Variants in DIP2A observed in about 807,000 individuals in gnomAD.
DIP2A encodes the protein DIP2 acetate--CoA ligase A.
In DIP2A, 85 loss-of-function variants were observed where a neutral mutation model predicts 177.4. That is an observed-to-expected ratio of 0.48 (90% CI 0.40 to 0.57). The LOEUF (loss-of-function observed/expected upper bound fraction) is 0.57. Among genes scored for constraint, DIP2A ranks in the 20% least tolerant of loss-of-function variants. The pLI is 0.00. For missense variants in DIP2A, 1,791 were observed against 2,100.2 expected (o/e 0.85, Z 2.88); for synonymous variants, 886 against 881.8 (o/e 1.00, Z -0.08).
At chr21:46,533,964 C>T (rs2059454430) in intron 11 of DIP2A, 40 bp from the exon 12 acceptor site, 1 of 1,560,906 alleles carries the variant, frequency 6.4e-7, no homozygotes, top group South Asian at 1.1e-5. Flanking sequence ...GCAGATGCCT[C>T]TGACTGCTTG....
chr21:46,566,255 G>A (rs376402726), intron 36 of DIP2A, among the ~76,000 whole-genome samples: 2 of 152,204 alleles, frequency 1.3e-5, no homozygotes, highest in African/African-American at 2.4e-5. Context: ...GCCACCACAA[G>A]CTGGCCAGAT....
intron 2 of DIP2A, among the ~76,000 whole-genome samples, chr21:46,486,489 T>G (rs998857759): frequency 6.6e-6 from 1 of 152,220 alleles, no homozygotes; most frequent in African/African-American, 2.4e-5. Flanking sequence ...CCACCACACC[T>G]TCCCTTAATT....
At position 46,537,186 on chromosome 21, in the gene DIP2A, G is replaced by C; in HGVS notation, c.1643-38G>C. ...GAAAATGCATAGGGCTTATTGAGAG[G>C]GTTGCTCAGTGGTGTCACCTTCTTT... On this transcript the variant is annotated intron_variant, in intron 13 of 37. Coordinates refer to ENST00000417564, the MANE Select transcript of DIP2A (RefSeq NM_015151.4). The surrounding 1 kb of genome is among the most constrained non-coding windows in gnomAD (Gnocchi z 4.1). 6.2e-7 allele frequency: 1 copy of C among 1,610,532 alleles called. No individual in the cohort carries two copies. Among genetic ancestry groups the C allele is most frequent in the Non-Finnish European group, 8.5e-7 (1 of 1,176,788 alleles).
intron 3 of DIP2A, among the ~76,000 whole-genome samples, chr21:46,494,699 T>A (rs1200333867): frequency 6.6e-6 from 1 of 152,258 alleles, no homozygotes; most frequent in Non-Finnish European, 1.5e-5. Flanking sequence ...ACCAATTGAT[T>A]GCGTTTCCTC....
chr21:46,503,835 C>T (rs1460326447), intron 5 of DIP2A, among the ~76,000 whole-genome samples: 2 of 152,120 alleles, frequency 1.3e-5, no homozygotes, highest in Non-Finnish European at 1.5e-5. Flanking sequence ...AAGTGATTCT[C>T]CTGCCTCAGC....
intron 1 of DIP2A, chr21:46,469,254 C>A (rs1293740402): frequency 6.6e-6 from 1 of 152,240 alleles, no homozygotes; most frequent in Non-Finnish European, 1.5e-5. Context: ...GTGAAAACTT[C>A]ACATGGTGTT....
At chr21:46,552,198 C>T (rs754686668) in intron 25 of DIP2A, among the ~76,000 whole-genome samples, 8 of 152,194 alleles carry the variant, frequency 5.3e-5, no homozygotes, top group Non-Finnish European at 8.8e-5. Context: ...TTTTTATCAG[C>T]TCAAGTTTTT....
At chr21:46,578,155 T>C in the DIP2A span, among the ~76,000 whole-genome samples, 4 of 151,910 alleles carry the variant, frequency 2.6e-5, no homozygotes, top group Non-Finnish European at 5.9e-5. Flanking sequence ...CTAGTAAAAA[T>C]ACAAAAATTA....
intron 20 of DIP2A, 64 bp from the exon 21 acceptor site, chr21:46,546,851 T>C (rs2060068419): frequency 6.3e-7 from 1 of 1,585,298 alleles, no homozygotes; most frequent in African/African-American, 1.3e-5. Flanking sequence ...GGCCTGACCA[T>C]GGTCCTGGCG....
chr21:46,573,674 AAAAAAAAAAGAT>A (rs2060979829), downstream of DIP2A, among the ~76,000 whole-genome samples: 2 of 140,124 alleles, frequency 1.4e-5, no homozygotes, highest in African/African-American at 5.6e-5. Context: ...AAAAAAAAAA[AAAAAAAAAAGAT>A]ATTCCATGCA....
At chr21:46,576,603 G>A in the DIP2A span, among the ~76,000 whole-genome samples, 1 of 151,980 alleles carries the variant, frequency 6.6e-6, no homozygotes, top group African/African-American at 2.4e-5. Context: ...ATATATTTTT[G>A]TAATAGAATA....
rs1568956267 is a variant in DIP2A at position 46,490,593 on chromosome 21, G to GT, written c.164-4dup. On this transcript the variant is annotated splice_region_variant and splice_polypyrimidine_tract_variant and intron_variant, in intron 2 of 37. Transcript: ENST00000417564. Reference sequence around the variant, plus strand: ...ACATAAGGTATTCCCATAAAATTGTGTTTCAGGAATAGACCCATCTCTGCA... The same window carrying GT: ...ACATAAGGTATTCCCATAAAATTGTGTTTTCAGGAATAGACCCATCTCTGCA... 4 of 1,551,358 alleles carry GT rather than the reference G, an allele frequency of 2.6e-6. No individual in the cohort carries two copies. In the Admixed American group the frequency reaches 8.2e-5, roughly 32 times the overall value.
chr21:46,471,420 T>G (rs1217551956), intron 1 of DIP2A, among the ~76,000 whole-genome samples: 1 of 152,200 alleles, frequency 6.6e-6, no homozygotes, highest in African/African-American at 2.4e-5. Flanking sequence ...CCCACCCTTA[T>G]ACGTGTACAG....
intron 9 of DIP2A, among the ~76,000 whole-genome samples, chr21:46,529,911 C>T (rs2059284919): frequency 6.6e-6 from 1 of 152,166 alleles, no homozygotes; most frequent in African/African-American, 2.4e-5. Flanking sequence ...GAGACTTATT[C>T]TCTTGTGCTA....
At chr21:46,550,183 T>A (rs1218355297) in intron 22 of DIP2A, 2 of 791,636 alleles carry the variant, frequency 2.5e-6, no homozygotes, top group African/African-American at 1.7e-5. Flanking sequence ...AAATGTACAT[T>A]ATTATATTCA....
Position 46,556,839 on chromosome 21 carries a change from G to T in DIP2A, c.3499-100G>T. On this transcript the variant is annotated intron_variant, in intron 29 of 37. Transcript: ENST00000417564. This position sits in a 1 kb window ranked among gnomAD's most constrained non-coding sequence, Gnocchi z 4.5. ...TAAATATGATGTTTGGTAGTTCGGA[G>T]CTATGGTCTAGCCATGTGAACAGCG... is the stretch of plus-strand genomic sequence containing the variant. The T allele has an allele frequency of 9.3e-7, 1 of 1,073,962 alleles. No homozygotes were observed. The highest frequency in any genetic ancestry group is 1.3e-6 in the Non-Finnish European group (1 of 770,094). 66.5% of individuals were successfully genotyped at this position (1,073,962 alleles called of 1,614,324 possible). A position where few individuals can be genotyped will look rare whatever the true frequency, so the allele number is the denominator to read the frequency against.
At chr21:46,546,247 T>C (rs1046463352) in intron 20 of DIP2A, 12 of 1,227,994 alleles carry the variant, frequency 9.8e-6, no homozygotes, top group Non-Finnish European at 1.2e-5. Flanking sequence ...GTATTCATTA[T>C]ATCATTCTTT....
chr21:46,532,728 A>G (rs949540051), intron 10 of DIP2A, among the ~76,000 whole-genome samples: 1 of 152,196 alleles, frequency 6.6e-6, no homozygotes, highest in Non-Finnish European at 1.5e-5. Context: ...GTTCACTTAT[A>G]TGACCGTAGG....
chr21:46,529,804 T>G (rs1256447160), intron 9 of DIP2A, among the ~76,000 whole-genome samples: 4 of 152,148 alleles, frequency 2.6e-5, no homozygotes, highest in Admixed American at 6.5e-5. Flanking sequence ...AATCTGAAGG[T>G]CTGAAACCCT....
Sources: gnomAD v4.1 joint callset for allele counts (sites outside exome capture counted in the v4.1 genomes callset) on GRCh38, gnomAD v4.1.1 for gene constraint, Gnocchi (gnomAD v3.1) non-coding constraint, MANE v1.5 for transcripts, NCBI Gene and HGNC (gene_info 2026-07-23, HGNC 2026-07-21) for gene names.